The following DENND5A variants were observed in gnomAD, a reference collection of about 807,000 sequenced individuals.
DENND5A encodes DENN domain containing 5A, also known as DENN domain-containing protein 5A.
A neutral mutation model predicts 140.3 loss-of-function variants in DENND5A; 64 were observed. The observed-to-expected ratio is 0.46, with a 90% CI of 0.37 to 0.56. DENND5A has a LOEUF of 0.56. Ranked by LOEUF, DENND5A falls within the 20% of genes least tolerant of loss-of-function variation. The pLI is 0.00. For synonymous variants in DENND5A, 605 were observed against 607.7 expected (o/e 1.00, Z 0.07); for missense variants, 1,292 against 1,593.8 (o/e 0.81, Z 3.22).
chr11:9,190,637 T>C (rs1282485395), intron 5 of DENND5A, among the ~76,000 whole-genome samples: 1 of 152,168 alleles, frequency 6.6e-6, no homozygotes, highest in African/African-American at 2.4e-5. Context: ...CTCAGGTATG[T>C]CTTTCTCAGC....
At chr11:9,231,688 C>A (rs1179613562) in intron 1 of DENND5A, among the ~76,000 whole-genome samples, 1 of 120,816 alleles carries the variant, frequency 8.3e-6, no homozygotes, top group African/African-American at 3.2e-5. Flanking sequence ...GCATTCCAGC[C>A]TGGGCAACAA....
intron 1 of DENND5A, among the ~76,000 whole-genome samples, chr11:9,240,793 T>C (rs548264334): frequency 1.3e-5 from 2 of 152,046 alleles, no homozygotes; most frequent in South Asian, 2.1e-4. Context: ...GCACTCAACA[T>C]AGACCCTGAT....
chr11:9,236,786 C>G (rs2136264468), intron 1 of DENND5A, among the ~76,000 whole-genome samples: 1 of 151,924 alleles, frequency 6.6e-6, no homozygotes, highest in South Asian at 2.1e-4. Flanking sequence ...GGAAGGAAGA[C>G]AGGCAGGCAG....
intron 1 of DENND5A, among the ~76,000 whole-genome samples, chr11:9,244,582 T>C (rs1464179176): frequency 1.3e-5 from 2 of 152,178 alleles, no homozygotes; most frequent in Admixed American, 6.6e-5. Context: ...TCAGTCAGGC[T>C]GGTCTTGAAC....
chr11:9,159,217 T>A (rs1564887315), intron 12 of DENND5A, among the ~76,000 whole-genome samples: 1 of 152,186 alleles, frequency 6.6e-6, no homozygotes, highest in Non-Finnish European at 1.5e-5. Flanking sequence ...TCCAATGTAT[T>A]ATACCAAATT....
intron 9 of DENND5A, chr11:9,170,184 T>C: frequency 1.4e-6 from 1 of 735,460 alleles, no homozygotes; most frequent in African/African-American, 1.9e-5. Flanking sequence ...TACAAACACT[T>C]GACATATAGA....
At chr11:9,253,148 T>C (rs1851802821) in intron 1 of DENND5A, among the ~76,000 whole-genome samples, 2 of 152,006 alleles carry the variant, frequency 1.3e-5, no homozygotes, top group African/African-American at 4.8e-5. Context: ...CTACCATACC[T>C]GGCCACAACA....
At chr11:9,247,322 C>T (rs1046989945) in intron 1 of DENND5A, among the ~76,000 whole-genome samples, 1 of 151,772 alleles carries the variant, frequency 6.6e-6, no homozygotes, top group African/African-American at 2.4e-5. Flanking sequence ...TGGCACCCTG[C>T]AGTAAAAGCC....
intron 1 of DENND5A, among the ~76,000 whole-genome samples, chr11:9,240,288 T>TTGAGGC (rs1012830352): frequency 6.6e-6 from 1 of 151,938 alleles, no homozygotes; most frequent in African/African-American, 2.4e-5. Flanking sequence ...CAGCTACTCG[T>TTGAGGC]TGAGGCTGAG....
chr11:9,249,846 G>A (rs569110194), intron 1 of DENND5A, among the ~76,000 whole-genome samples: 8 of 151,918 alleles, frequency 5.3e-5, no homozygotes, highest in African/African-American at 1.2e-4. Context: ...CACCGTGCCC[G>A]GCCTCATTTT....
In DENND5A at chr11:9,139,547, C is replaced by A; in HGVS notation, c.*124G>T. 2 of 828,174 alleles carry A rather than the reference C, an allele frequency of 2.4e-6. No homozygotes were observed. The highest frequency in any genetic ancestry group is 3.7e-6 in the Non-Finnish European group (2 of 544,868). 51.3% of individuals were successfully genotyped at this position (828,174 alleles called of 1,614,324 possible). A position where few individuals can be genotyped will look rare whatever the true frequency, so the allele number is the denominator to read the frequency against. On this transcript the variant is annotated 3_prime_UTR_variant, in exon 23 of 23. Transcript: ENST00000328194. ...TTTATTCCAAAAATCCTCTAGTTTT[C>A]TTTTTACAGTGAGTGTACATTTTGT... is the stretch of plus-strand genomic sequence containing the variant.
intron 16 of DENND5A, 139 bp from the exon 17 acceptor site, chr11:9,145,954 G>C (rs1323245357): frequency 5.5e-6 from 5 of 912,112 alleles, no homozygotes; most frequent in Non-Finnish European, 8.5e-6. Flanking sequence ...TGGAACAAGA[G>C]GGCCCCAGGA....
intron 1 of DENND5A, among the ~76,000 whole-genome samples, chr11:9,231,610 G>A (rs1341669956): frequency 6.7e-6 from 1 of 149,520 alleles, no homozygotes; most frequent in East Asian, 2.0e-4. Context: ...AGCTACTCAG[G>A]AGACTGAGGC....
At chr11:9,250,043 T>TA (rs145412972) in intron 1 of DENND5A, among the ~76,000 whole-genome samples, 23,328 of 115,332 alleles carry the variant, frequency 0.2, 1,930 homozygotes, top group Non-Finnish European at 0.24. Flanking sequence ...AAAATAAAAT[T>TA]TAAAAAAAAA....
At chr11:9,174,847 A>C (rs775651788) in intron 8 of DENND5A, among the ~76,000 whole-genome samples, 14 of 152,342 alleles carry the variant, frequency 9.2e-5, no homozygotes, top group South Asian at 2.1e-4. Flanking sequence ...CAAACTAGTA[A>C]GATCCTTAAC....
At chr11:9,195,122 G>A (rs1043175768) in intron 4 of DENND5A, among the ~76,000 whole-genome samples, 8 of 123,846 alleles carry the variant, frequency 6.5e-5, no homozygotes, top group African/African-American at 2.2e-4. Flanking sequence ...TGCTGTTATT[G>A]CCCAGGCTGC....
At chr11:9,169,233 G>A (rs1848286642) in intron 10 of DENND5A, among the ~76,000 whole-genome samples, 1 of 152,106 alleles carries the variant, frequency 6.6e-6, no homozygotes, top group Non-Finnish European at 1.5e-5. Flanking sequence ...GATTACCTGA[G>A]GTCAGGTGTT....
intron 22 of DENND5A, chr11:9,140,288 T>C: frequency 8.9e-7 from 1 of 1,125,214 alleles, no homozygotes; most frequent in Non-Finnish European, 1.2e-6. Context: ...CCCCACTTTA[T>C]AGATGAAGAA....
chr11:9,171,903 C>T (rs550985549), intron 8 of DENND5A: 5 of 152,012 alleles, frequency 3.3e-5, no homozygotes, highest in Non-Finnish European at 7.3e-5. Flanking sequence ...AAACTAGAAA[C>T]ATGGAACTCA....
Sources: gnomAD v4.1 joint callset for allele counts (sites outside exome capture counted in the v4.1 genomes callset) on GRCh38, gnomAD v4.1.1 for gene constraint, MANE v1.5 for transcripts, NCBI Gene and HGNC (gene_info 2026-07-23, HGNC 2026-07-21) for gene names.